Variants in FAM161A observed in about 807,000 individuals in gnomAD.
FAM161A encodes the protein protein FAM161A.
Under a neutral mutation model 70.9 loss-of-function variants are expected in FAM161A, and 57 were observed. That is an observed-to-expected ratio of 0.80 (90% CI 0.65 to 1.00). The LOEUF (loss-of-function observed/expected upper bound fraction) is 1.00. FAM161A is among the 50% of genes least tolerant of loss of function. The pLI, the probability that FAM161A is intolerant of heterozygous loss-of-function variation, is 0.00. For synonymous variants in FAM161A, 299 were observed against 295.7 expected (o/e 1.01, Z -0.12); for missense variants, 880 against 836.0 (o/e 1.05, Z -0.65).
chr2:61,840,572 T>C lies in FAM161A; in HGVS notation c.432A>G (p.Ser144=). 6.2e-7 allele frequency: 1 copy of C among 1,602,854 alleles called. No homozygotes were observed. The change falls in exon 3 of 7, where the codon TCA becomes TCG. Residue 144 remains serine (S), a synonymous_variant. Coordinates refer to ENST00000404929, the MANE Select transcript of FAM161A (RefSeq NM_001201543.2). ...DSLSDSSRSV[S]EKNSYHPVSL... The stretch of plus-strand genomic sequence containing the variant: ...AGACAGGGTGATAGGAGTTCTTTTC[T>C]GATACAGATCTAAATGAGAAGAATA...
At chr2:61,853,015 G>A (rs1365802674) in intron 1 of FAM161A, among the ~76,000 whole-genome samples, 2 of 139,340 alleles carry the variant, frequency 1.4e-5, no homozygotes, top group South Asian at 2.3e-4. Flanking sequence ...AAGTTCAAGC[G>A]ATTCTCCTGC....
Position 61,839,907 on chromosome 2 carries a change from C to A in FAM161A, c.1097G>T (p.Gly366Val), listed in dbSNP as rs1386308138. 6.2e-7 allele frequency: 1 copy of A among 1,614,148 alleles called. No homozygotes were observed. The highest frequency in any genetic ancestry group is 8.5e-7 in the Non-Finnish European group (1 of 1,180,034). ...TTTTAACTTGTCATTGGTAGTTGAA[C>A]CATAAGTAGATCGAGGAATGGGTCT... ...KARPIPRSTYGSTTNDKLKEE... is the reference protein window; with the variant it reads ...KARPIPRSTYVSTTNDKLKEE... Residue 366 changes from glycine to valine, a missense_variant, in exon 3 of 7, where the codon GGT becomes GTT. Transcript: ENST00000404929.
At chr2:61,802,724 C>A in the FAM161A span, among the ~76,000 whole-genome samples, 1 of 152,106 alleles carries the variant, frequency 6.6e-6, no homozygotes, top group Non-Finnish European at 1.5e-5. Flanking sequence ...TTGTGAATTT[C>A]TGCATGTATT....
chr2:61,853,810 T>C (rs780797257), intron 1 of FAM161A, 49 bp downstream of exon 1: 19 of 1,607,664 alleles, frequency 1.2e-5, no homozygotes, highest in Non-Finnish European at 1.6e-5. Flanking sequence ...GCCCTCAGCC[T>C]GCACCCAGCC....
the FAM161A span, chr2:61,803,188 A>G: frequency 1.3e-5 from 7 of 540,156 alleles, no homozygotes; most frequent in East Asian, 2.6e-4. Flanking sequence ...AGTGCCTAAG[A>G]CAGAAATTCA....
chr2:61,847,755 G>A (rs1463895894), intron 1 of FAM161A, among the ~76,000 whole-genome samples: 1 of 152,170 alleles, frequency 6.6e-6, no homozygotes, highest in South Asian at 2.1e-4. Context: ...CTGGGTAACA[G>A]TGTGACCCTG....
chr2:61,845,046 G>A (rs1344819138), intron 1 of FAM161A, among the ~76,000 whole-genome samples: 2 of 152,212 alleles, frequency 1.3e-5, no homozygotes, highest in Non-Finnish European at 2.9e-5. Context: ...CTGGAGACCT[G>A]GTGAGAAGGC....
At position 61,842,179 on chromosome 2, in the gene FAM161A, T is replaced by A. The variant is rs1673041010; in HGVS notation, c.365A>T (p.His122Leu). The change falls in exon 2 of 7, where the codon CAT becomes CTT. Residue 122 changes from histidine (H) to leucine (L), a missense_variant. Transcript: ENST00000404929. ...KLEKMYQDKLHLKEVQPVVIR... is the reference protein window; with the variant it reads ...KLEKMYQDKLLLKEVQPVVIR... ...GACCACTGGCTGAACTTCCTTTAAA[T>A]GTAATTTATCCTGGTACATTTTCTC... The A allele has an allele frequency of 6.2e-7, 1 of 1,613,852 alleles. No homozygotes were observed. The highest frequency in any genetic ancestry group is 8.5e-7 in the Non-Finnish European group (1 of 1,179,848).
chr2:61,825,839 G>A lies in FAM161A; in HGVS notation c.*616C>T, dbSNP rs1163092407. The A allele has an allele frequency of 3.6e-5, 16 of 444,632 alleles. No homozygotes were observed. Among genetic ancestry groups the A allele is most frequent in the Non-Finnish European group, 5.8e-5 (13 of 222,642 alleles). The allele number at this position is 444,632 out of a possible 1,614,324, so 27.5% of individuals were successfully genotyped here. A position where few individuals can be genotyped will look rare whatever the true frequency, so the allele number is the denominator to read the frequency against. ...TTTTTAGTAGAGACGGGGTTTCATC[G>A]TGTTAGCCAGGATGGTCTCGATCTC... is the stretch of plus-strand genomic sequence containing the variant. On this transcript the variant is annotated 3_prime_UTR_variant, in exon 7 of 7. Coordinates refer to ENST00000404929, the MANE Select transcript of FAM161A (RefSeq NM_001201543.2).
At chr2:61,808,017 G>A in the FAM161A span, among the ~76,000 whole-genome samples, 1 of 152,136 alleles carries the variant, frequency 6.6e-6, no homozygotes, top group African/African-American at 2.4e-5. Context: ...CAGTGTCCTG[G>A]TCTGGGGTCC....
chr2:61,841,423 C>T (rs1201249518), intron 2 of FAM161A, among the ~76,000 whole-genome samples: 1 of 152,158 alleles, frequency 6.6e-6, no homozygotes, highest in African/African-American at 2.4e-5. Context: ...AATACTTATT[C>T]CTCCTCCAAG....
Position 61,838,887 on chromosome 2 carries a change from TATTTA to T in FAM161A, c.1584-187_1584-183del, listed in dbSNP as rs1558482360. Among the ~76,000 whole-genome samples, 12 of 134,488 alleles carry T rather than the reference TATTTA, an allele frequency of 8.9e-5. No homozygotes were observed. In the East Asian group the frequency reaches 2.7e-3, roughly 31 times the overall value. The allele number at this position is 134,488 out of a possible 152,430, so 88.2% of individuals were successfully genotyped here. A position where few individuals can be genotyped will look rare whatever the true frequency, so the allele number is the denominator to read the frequency against. Reference sequence around the variant, plus strand: ...TTATTTATTTATTTATTTATTTATTTATTTATTTTTTTTGAGATGGAGTCTCGCTC... The same window carrying T: ...TTATTTATTTATTTATTTATTTATTTTTTTTTTTGAGATGGAGTCTCGCTC... On this transcript the variant is annotated intron_variant, in intron 3 of 6. Coordinates refer to ENST00000404929, the MANE Select transcript of FAM161A (RefSeq NM_001201543.2).
Position 61,836,122 on chromosome 2 carries a change from A to C in FAM161A, c.1752-13T>G, listed in dbSNP as rs1018396756. 2 of 1,560,462 alleles carry C rather than the reference A, an allele frequency of 1.3e-6. No homozygotes were observed. Among genetic ancestry groups the C allele is most frequent in the Non-Finnish European group, 8.8e-7 (1 of 1,134,426 alleles). On this transcript the variant is annotated splice_polypyrimidine_tract_variant and intron_variant, in intron 4 of 6. Coordinates refer to ENST00000404929, the MANE Select transcript of FAM161A (RefSeq NM_001201543.2). The stretch of plus-strand genomic sequence containing the variant: ...CTTTTCGCTCTTTCTAAAATTAAAG[A>C]AAAGCAATGGAATTTTAAAAGATCA...
rs2105111520 is a variant in FAM161A at position 61,854,028 on chromosome 2, TG to T, written c.13del (p.His5ThrfsTer15). 1 of 1,610,128 alleles carries T rather than the reference TG, an allele frequency of 6.2e-7. No individual in the cohort carries two copies. MATS[H>X]RVAKLVASSL... ...GGAGGCCACCAGCTTCGCCACTCGG[TG>T]GGAGGTGGCCATCGCCCCGCCTCCG... On this transcript the variant is annotated frameshift_variant, in exon 1 of 7. Coordinates refer to ENST00000404929, the MANE Select transcript of FAM161A (RefSeq NM_001201543.2). LOFTEE classifies it high-confidence loss of function.
intron 5 of FAM161A, among the ~76,000 whole-genome samples, chr2:61,831,926 A>G (rs1329636607): frequency 6.6e-6 from 1 of 152,140 alleles, no homozygotes; most frequent in Non-Finnish European, 1.5e-5. Context: ...GGAAACAGAG[A>G]CAATATCACC....
chr2:61,827,609 CAAA>C (rs71644452), intron 5 of FAM161A, among the ~76,000 whole-genome samples: 1 of 107,910 alleles, frequency 9.3e-6, no homozygotes. Flanking sequence ...GACTCTGTCT[CAAA>C]AAAAAAAAAA....
intron 1 of FAM161A, among the ~76,000 whole-genome samples, chr2:61,853,049 T>C (rs1249564153): frequency 6.6e-6 from 1 of 151,444 alleles, no homozygotes; most frequent in Admixed American, 6.6e-5. Flanking sequence ...GTAACTAGGA[T>C]TACAGGGGCG....
intron 1 of FAM161A, among the ~76,000 whole-genome samples, chr2:61,851,281 A>G (rs1673489126): frequency 6.6e-6 from 1 of 152,156 alleles, no homozygotes; most frequent in Non-Finnish European, 1.5e-5. Context: ...TAAATGTTCA[A>G]TATTTGTTGA....
chr2:61,808,277 T>A, the FAM161A span, among the ~76,000 whole-genome samples: 80,579 of 127,994 alleles, frequency 0.63, 22,269 homozygotes, highest in South Asian at 0.69. Flanking sequence ...TATTATTATT[T>A]TTTTTTTTTT....
Sources: gnomAD v4.1 joint callset for allele counts (sites outside exome capture counted in the v4.1 genomes callset) on GRCh38, gnomAD v4.1.1 for gene constraint, MANE v1.5 for transcripts, NCBI Gene and HGNC (gene_info 2026-07-23, HGNC 2026-07-21) for gene names.